Variants in CTNNA2 observed in about 807,000 individuals in gnomAD.
CTNNA2 encodes catenin alpha-2.
CTNNA2 carries 42 observed loss-of-function variants against 101.0 expected under a neutral mutation model. The ratio of observed to expected loss-of-function variants is 0.42; its 90% confidence interval spans 0.32 to 0.54. CTNNA2 has a LOEUF of 0.54. Among genes scored for constraint, CTNNA2 ranks in the 20% least tolerant of loss-of-function variants. The pLI is 0.14. For missense variants in CTNNA2, 871 were observed against 1,223.1 expected (o/e 0.71, Z 4.29); for synonymous variants, 450 against 456.4 (o/e 0.99, Z 0.18).
intron 3 of CTNNA2, chr2:79,339,533 T>G (rs1677082018): frequency 6.6e-6 from 1 of 152,206 alleles, no homozygotes; most frequent in Admixed American, 6.5e-5. Flanking sequence ...TTTGCAGTTT[T>G]CAAATGATTT....
chr2:79,892,735 C>T (rs1448659948), intron 6 of CTNNA2, among the ~76,000 whole-genome samples: 1 of 152,030 alleles, frequency 6.6e-6, no homozygotes, highest in Non-Finnish European at 1.5e-5. Context: ...TCTCATAGGC[C>T]CATAAAACTT....
intron 7 of CTNNA2, among the ~76,000 whole-genome samples, chr2:80,290,240 A>G (rs1016211831): frequency 4.6e-5 from 7 of 152,192 alleles, no homozygotes; most frequent in African/African-American, 1.7e-4. Context: ...GTTTTTTAGT[A>G]CATCATGAGG....
chr2:79,616,709 T>C lies in CTNNA2; in HGVS notation c.-5-34843T>C, dbSNP rs892528157. On this transcript the variant is annotated intron_variant, in intron 1 of 18. Coordinates refer to ENST00000402739, the MANE Select transcript of CTNNA2 (RefSeq NM_001282597.3). ...TCTTCTTGTTTAGTAGATATTTCAG[T>C]GAAAAGACTTTATGTTTATATGTTT... 2.0e-5 allele frequency among the ~76,000 whole-genome samples: 3 copies of C among 152,250 alleles called. No homozygotes were observed. The East Asian group carries it at 5.8e-4, about 30-fold the overall frequency.
At chr2:80,504,659 C>T (rs1310458565) in intron 9 of CTNNA2, among the ~76,000 whole-genome samples, 3 of 152,156 alleles carry the variant, frequency 2.0e-5, no homozygotes, top group African/African-American at 7.2e-5. Context: ...GTGGGGAACT[C>T]TCTCTAGGTC....
At chr2:79,858,513 G>A (rs568418995) in intron 4 of CTNNA2, among the ~76,000 whole-genome samples, 4 of 152,138 alleles carry the variant, frequency 2.6e-5, no homozygotes, top group East Asian at 1.9e-4. Flanking sequence ...CTCAAGATTC[G>A]GAGCAATCTT....
chr2:80,439,750 T>A (rs978617506), intron 9 of CTNNA2, among the ~76,000 whole-genome samples: 1 of 152,148 alleles, frequency 6.6e-6, no homozygotes, highest in African/African-American at 2.4e-5. Context: ...TTTTATATTA[T>A]TTGAAAACAC....
At chr2:80,416,506 A>C (rs1451967407) in intron 8 of CTNNA2, among the ~76,000 whole-genome samples, 1 of 152,104 alleles carries the variant, frequency 6.6e-6, no homozygotes, top group East Asian at 1.9e-4. Flanking sequence ...GATGAATTAA[A>C]ATTTCATAGT....
chr2:80,216,052 C>T (rs558620676), intron 7 of CTNNA2, among the ~76,000 whole-genome samples: 133 of 152,330 alleles, frequency 8.7e-4, no homozygotes, highest in African/African-American at 3.1e-3. Flanking sequence ...GGCATGGGAC[C>T]CTCCGAGCCA....
chr2:80,561,995 A>G (rs1693645535), intron 12 of CTNNA2, among the ~76,000 whole-genome samples: 1 of 152,008 alleles, frequency 6.6e-6, no homozygotes, highest in Non-Finnish European at 1.5e-5. Context: ...ATGTAAACAA[A>G]TTCTGTCCAG....
intron 7 of CTNNA2, among the ~76,000 whole-genome samples, chr2:80,321,928 T>TTTTATTTA (rs145750433): frequency 7.5e-4 from 113 of 151,610 alleles, no homozygotes; most frequent in East Asian, 6.9e-3. Flanking sequence ...ATTCTCTGTA[T>TTTTATTTA]TTTATTTATT....
chr2:79,681,537 C>T (rs1377735265), intron 2 of CTNNA2, among the ~76,000 whole-genome samples: 1 of 152,182 alleles, frequency 6.6e-6, no homozygotes, highest in Non-Finnish European at 1.5e-5. Context: ...ATGAGACAAG[C>T]ACAAAGAACA....
At chr2:79,884,942 C>G (rs1456827562) in intron 6 of CTNNA2, among the ~76,000 whole-genome samples, 1 of 152,068 alleles carries the variant, frequency 6.6e-6, no homozygotes, top group Non-Finnish European at 1.5e-5. Flanking sequence ...TAATTGTCTA[C>G]TGGGGGAGCA....
Position 79,288,560 on chromosome 2 carries a change from C to A in CTNNA2, c.-405-24149C>A, listed in dbSNP as rs115372998. ...GGCATCTGGCTTCTGGGATGAATGG[C>A]TATTTCTCTCTCTCTCCCTCTCTCT... On this transcript the variant is annotated intron_variant, in intron 2 of 21. Transcript: ENST00000466387. 3.1e-3 allele frequency among the ~76,000 whole-genome samples: 466 copies of A among 152,158 alleles called. 1 individual carries two copies. Among genetic ancestry groups the A allele is most frequent in the African/African-American group, 0.011 (447 of 41,508 alleles).
chr2:79,858,287 G>A lies in CTNNA2; in HGVS notation c.465+108G>A, dbSNP rs910925199. On this transcript the variant is annotated intron_variant, in intron 4 of 18. Coordinates refer to ENST00000402739, the MANE Select transcript of CTNNA2 (RefSeq NM_001282597.3). ...AGATGTTTCATTGCTCACCAGATCA[G>A]TTCATTACCTACCCATGTGGTGCCC... The A allele has an allele frequency of 4.4e-5, 32 of 733,126 alleles. No individual in the cohort carries two copies. In the African/African-American group the frequency reaches 4.8e-4, roughly 11 times the overall value. 45.4% of individuals were successfully genotyped at this position (733,126 alleles called of 1,614,324 possible).
At chr2:79,277,646 T>C (rs948831953) in intron 2 of CTNNA2, among the ~76,000 whole-genome samples, 4 of 152,068 alleles carry the variant, frequency 2.6e-5, no homozygotes, top group African/African-American at 9.7e-5. Flanking sequence ...CATTAAAAAA[T>C]TGAGTTTCAA....
intron 7 of CTNNA2, chr2:80,313,580 C>T (rs761458542): frequency 1.2e-6 from 2 of 1,610,806 alleles, no homozygotes; most frequent in Non-Finnish European, 1.7e-6. Context: ...ATGGAGAAGG[C>T]CACTCCAGTC....
At chr2:80,301,415 G>C (rs2149204542) in intron 7 of CTNNA2, among the ~76,000 whole-genome samples, 1 of 152,348 alleles carries the variant, frequency 6.6e-6, no homozygotes, top group Middle Eastern at 3.4e-3. Context: ...GGAGAATTAA[G>C]AACAGGTGGC....
intron 11 of CTNNA2, 47 bp downstream of exon 11, chr2:80,546,110 A>G: frequency 6.2e-7 from 1 of 1,602,714 alleles, no homozygotes; most frequent in Non-Finnish European, 8.5e-7. Flanking sequence ...GAGGAGGGTA[A>G]CTGAACGAGA....
chr2:79,328,020 C>G (rs1676786236), intron 3 of CTNNA2, among the ~76,000 whole-genome samples: 1 of 151,940 alleles, frequency 6.6e-6, no homozygotes, highest in Non-Finnish European at 1.5e-5. Flanking sequence ...TCTTGGGAGT[C>G]CAGGCAGCAG....
Sources: gnomAD v4.1 joint callset for allele counts (sites outside exome capture counted in the v4.1 genomes callset) on GRCh38, gnomAD v4.1.1 for gene constraint, MANE v1.5 for transcripts, NCBI Gene and HGNC (gene_info 2026-07-23, HGNC 2026-07-21) for gene names.